Variants in EIF4G3 observed in about 807,000 individuals in gnomAD.
EIF4G3 encodes eukaryotic translation initiation factor 4 gamma 3.
A neutral mutation model predicts 186.4 loss-of-function variants in EIF4G3; 34 were observed. The observed-to-expected ratio is 0.18, with a 90% CI of 0.14 to 0.24. The LOEUF (loss-of-function observed/expected upper bound fraction) is 0.24. Ranked by LOEUF, EIF4G3 falls within the 10% of genes least tolerant of loss-of-function variation. The pLI is 1.00. For missense variants in EIF4G3, 1,536 were observed against 1,948.5 expected, an observed-to-expected ratio of 0.79 and a Z score of 3.99; for synonymous variants, 673 against 679.5, an observed-to-expected ratio of 0.99 and a Z score of 0.15.
intron 33 of EIF4G3, among the ~76,000 whole-genome samples, chr1:20,823,771 C>G (rs1237576734): frequency 6.6e-6 from 1 of 152,160 alleles, no homozygotes; most frequent in Non-Finnish European, 1.5e-5. Flanking sequence ...ATTTTATACT[C>G]TGAATGATAA....
At chr1:20,863,857 T>C (rs2076982757) in intron 22 of EIF4G3, among the ~76,000 whole-genome samples, 1 of 151,636 alleles carries the variant, frequency 6.6e-6, no homozygotes, top group Non-Finnish European at 1.5e-5. Context: ...ACTTTAGGAG[T>C]CACAGAATGT....
Position 20,807,286 on chromosome 1 carries a change from GTTTCT to G in EIF4G3, c.*28_*32del. ...AACTTTTTAAAAAAATACTTAAATT[GTTTCT>G]TTTGTTTCATTTTGTGTATTTGAAG... On this transcript the variant is annotated 3_prime_UTR_variant, in exon 37 of 37. Transcript: ENST00000602326. 1 of 1,540,562 alleles carries G rather than the reference GTTTCT, an allele frequency of 6.5e-7. No individual in the cohort carries two copies. The highest frequency in any genetic ancestry group is 1.2e-5 in the South Asian group (1 of 81,688).
intron 12 of EIF4G3, among the ~76,000 whole-genome samples, chr1:20,965,032 T>C (rs12735764): frequency 0.026 from 3,976 of 152,254 alleles, 106 homozygotes; most frequent in Middle Eastern, 0.12. Flanking sequence ...TGCTAACCTC[T>C]CTGGGATTAG....
At chr1:20,918,145 CTG>C (rs1197192842) in intron 14 of EIF4G3, among the ~76,000 whole-genome samples, 1 of 152,132 alleles carries the variant, frequency 6.6e-6, no homozygotes, top group Non-Finnish European at 1.5e-5. Context: ...CCTCAGCACT[CTG>C]TGTCTGATAT....
At chr1:20,850,416 C>G (rs1421429152) in intron 28 of EIF4G3, among the ~76,000 whole-genome samples, 1 of 152,176 alleles carries the variant, frequency 6.6e-6, no homozygotes, top group Non-Finnish European at 1.5e-5. Flanking sequence ...GAAGACACTT[C>G]AATTTGTCTC....
At chr1:21,060,911 G>C (rs1030621573) in intron 3 of EIF4G3, among the ~76,000 whole-genome samples, 9 of 152,056 alleles carry the variant, frequency 5.9e-5, no homozygotes, top group Non-Finnish European at 1.0e-4. Flanking sequence ...TAGACTGATT[G>C]ATTCATTCAT....
At chr1:20,950,367 CACA>C (rs1339765099) in intron 12 of EIF4G3, among the ~76,000 whole-genome samples, 2 of 152,094 alleles carry the variant, frequency 1.3e-5, no homozygotes, top group African/African-American at 4.8e-5. Context: ...GAGAAGACAG[CACA>C]ACAATCATTA....
intron 2 of EIF4G3, among the ~76,000 whole-genome samples, chr1:21,103,697 A>T (rs920491253): frequency 2.6e-5 from 4 of 152,166 alleles, no homozygotes; most frequent in African/African-American, 9.7e-5. Flanking sequence ...TACAAAAATT[A>T]GCCGAGTGTG....
chr1:21,118,452 C>G (rs1325877927), intron 2 of EIF4G3, among the ~76,000 whole-genome samples: 4 of 152,040 alleles, frequency 2.6e-5, no homozygotes, highest in Admixed American at 6.6e-5. Flanking sequence ...TTTCAGGTTC[C>G]AAACAAAGAA....
At chr1:21,171,377 C>T (rs1244769804) in intron 2 of EIF4G3, among the ~76,000 whole-genome samples, 1 of 152,196 alleles carries the variant, frequency 6.6e-6, no homozygotes, top group East Asian at 1.9e-4. Flanking sequence ...TCACCCAGAA[C>T]AAGCCAGCAA....
intron 29 of EIF4G3, among the ~76,000 whole-genome samples, chr1:20,842,848 T>C (rs1043549079): frequency 6.6e-6 from 1 of 151,822 alleles, no homozygotes; most frequent in East Asian, 1.9e-4. Flanking sequence ...CTTTTAGTTT[T>C]TTTTTTTTTT....
intron 14 of EIF4G3, among the ~76,000 whole-genome samples, chr1:20,914,302 G>A (rs1027376318): frequency 2.0e-5 from 3 of 152,022 alleles, no homozygotes; most frequent in Non-Finnish European, 4.4e-5. Context: ...CTTGTGATGA[G>A]GAGACTATTA....
intron 13 of EIF4G3, among the ~76,000 whole-genome samples, chr1:20,947,644 G>C (rs909640596): frequency 2.0e-5 from 3 of 152,048 alleles, no homozygotes; most frequent in African/African-American, 7.2e-5. Context: ...GAGAAACAAA[G>C]AAAGAGAGTT....
chr1:21,172,106 TACC>T (rs1323459104), intron 2 of EIF4G3, among the ~76,000 whole-genome samples: 3 of 111,158 alleles, frequency 2.7e-5, no homozygotes, highest in African/African-American at 1.1e-4. Context: ...CTTTCTCTGG[TACC>T]TCCTCTAGCA....
intron 3 of EIF4G3, among the ~76,000 whole-genome samples, chr1:21,074,538 T>A (rs2095530715): frequency 6.6e-6 from 1 of 152,114 alleles, no homozygotes; most frequent in South Asian, 2.1e-4. Context: ...AAAAAAATAA[T>A]AATAATTTAT....
At chr1:20,861,711 C>T (rs1164331458) in intron 23 of EIF4G3, among the ~76,000 whole-genome samples, 2 of 152,144 alleles carry the variant, frequency 1.3e-5, no homozygotes, top group Non-Finnish European at 1.5e-5. Flanking sequence ...TGGTGGCTCA[C>T]GCCTGTAATC....
intron 14 of EIF4G3, among the ~76,000 whole-genome samples, chr1:20,918,701 C>CTTTTTT (rs35704755): frequency 3.2e-5 from 3 of 94,888 alleles, no homozygotes; most frequent in Admixed American, 1.3e-4. Context: ...CTCCTAGTAT[C>CTTTTTT]TTTTTTTTTT....
intron 16 of EIF4G3, among the ~76,000 whole-genome samples, chr1:20,896,667 C>T (rs2088246694): frequency 6.6e-6 from 1 of 152,110 alleles, no homozygotes; most frequent in Non-Finnish European, 1.5e-5. Flanking sequence ...CACACCAGCA[C>T]ACAGTAATGT....
intron 12 of EIF4G3, among the ~76,000 whole-genome samples, chr1:20,954,366 T>C (rs961628079): frequency 6.6e-6 from 1 of 151,594 alleles, no homozygotes; most frequent in East Asian, 1.9e-4. Flanking sequence ...TGAAACCCCA[T>C]CTCCACTAAA....
Sources: gnomAD v4.1 joint callset for allele counts (sites outside exome capture counted in the v4.1 genomes callset) on GRCh38, gnomAD v4.1.1 for gene constraint, MANE v1.5 for transcripts, NCBI Gene and HGNC (gene_info 2026-07-23, HGNC 2026-07-21) for gene names.